Variants in AGAP1 observed in about 807,000 individuals in gnomAD.
AGAP1 encodes the protein arf-GAP with GTPase, ANK repeat and PH domain-containing protein 1.
In AGAP1, 29 loss-of-function variants were observed where a neutral mutation model predicts 105.3. The observed-to-expected ratio is 0.28, with a 90% CI of 0.21 to 0.38. The LOEUF is 0.38. AGAP1 is among the 10% of genes least tolerant of loss of function. AGAP1 has a pLI of 1.00. For missense variants in AGAP1, 998 were observed against 1,165.1 expected, an observed-to-expected ratio of 0.86 and a Z score of 2.09; for synonymous variants, 509 against 485.9, an observed-to-expected ratio of 1.05 and a Z score of -0.63.
rs144638583 is a variant in AGAP1, at chr2:235,763,928, G to A, written c.673+13440G>A. The stretch of plus-strand genomic sequence containing the variant: ...TTGGGGTCATCAGGCGGTTGCAAAG[G>A]TGGGAGCAGCCGTGCTCCCCAGAAT... On this transcript the variant is annotated intron_variant, in intron 6 of 17. Coordinates refer to ENST00000304032, the MANE Select transcript of AGAP1 (RefSeq NM_001037131.3). 1.3e-3 allele frequency among the ~76,000 whole-genome samples: 191 copies of A among 152,294 alleles called. 1 individual carries two copies. The highest frequency in any genetic ancestry group is 6.8e-3 in the Middle Eastern group (2 of 294).
At chr2:236,019,091 C>T (rs149186825) in intron 13 of AGAP1, among the ~76,000 whole-genome samples, 1 of 152,216 alleles carries the variant, frequency 6.6e-6, no homozygotes, top group African/African-American at 2.4e-5. Flanking sequence ...CTCCAACACT[C>T]GTTTTCTTGG....
At chr2:235,935,437 G>T (rs116170788) in intron 12 of AGAP1, among the ~76,000 whole-genome samples, 1 of 152,176 alleles carries the variant, frequency 6.6e-6, no homozygotes, top group Non-Finnish European at 1.5e-5. Flanking sequence ...ACTCTTCTAA[G>T]TGTTTGACAG....
chr2:236,043,678 G>A (rs142182636), intron 15 of AGAP1, among the ~76,000 whole-genome samples: 4 of 150,020 alleles, frequency 2.7e-5, no homozygotes, highest in East Asian at 2.1e-4. Flanking sequence ...CCAAGATCAC[G>A]TCATTGCACT....
At chr2:236,098,489 C>T (rs901804505) in intron 16 of AGAP1, among the ~76,000 whole-genome samples, 2 of 151,518 alleles carry the variant, frequency 1.3e-5, no homozygotes, top group African/African-American at 4.8e-5. Context: ...AGAATCACTT[C>T]AACCCAGGAG....
chr2:235,707,326 G>C (rs1038648753), intron 1 of AGAP1, among the ~76,000 whole-genome samples: 22 of 133,766 alleles, frequency 1.6e-4, no homozygotes, highest in African/African-American at 5.5e-4. Flanking sequence ...AGATCACTCA[G>C]ATCTCCTCCT....
rs373845612 is a variant in AGAP1, at chr2:235,741,096, C to T, written c.396+48C>T. 9 of 1,460,954 alleles carry T rather than the reference C, an allele frequency of 6.2e-6. No homozygotes were observed. The highest frequency in any genetic ancestry group is 1.9e-4 in the Middle Eastern group (1 of 5,156). 90.5% of individuals were successfully genotyped at this position (1,460,954 alleles called of 1,614,324 possible). Reference sequence around the variant, plus strand: ...AGCCTGCTTTTTTTCCCTTTGTTTTCTAAGGTTTGATTCAAGAAGTGCTTC... The same window carrying T: ...AGCCTGCTTTTTTTCCCTTTGTTTTTTAAGGTTTGATTCAAGAAGTGCTTC... On this transcript the variant is annotated intron_variant, in intron 4 of 17. Coordinates refer to ENST00000304032, the MANE Select transcript of AGAP1 (RefSeq NM_001037131.3). This position sits in a 1 kb window ranked among gnomAD's most constrained non-coding sequence, Gnocchi z 4.9.
rs141898525 is a variant in AGAP1 at position 235,571,932 on chromosome 2, T to TTGTGTGTGTGTGTGTGTGTGTG, written c.163+77089_163+77110dup. 2.1e-3 allele frequency among the ~76,000 whole-genome samples: 221 copies of TTGTGTGTGTGTGTGTGTGTGTG among 103,650 alleles called. 9 individuals carry two copies. The highest frequency in any genetic ancestry group is 6.7e-3 in the African/African-American group (163 of 24,478). 68.0% of individuals were successfully genotyped at this position (103,650 alleles called of 152,430 possible). On this transcript the variant is annotated intron_variant, in intron 1 of 17. Coordinates refer to ENST00000304032, the MANE Select transcript of AGAP1 (RefSeq NM_001037131.3). ...TCTTTAAAGTTGTCTTGCCCACACT[T>TTGTGTGTGTGTGTGTGTGTGTG]TGTGTGTGTGTGTGTGTGTGTGTGT...
rs892206120 is a variant in AGAP1 at position 236,092,594 on chromosome 2, G to A, written c.2115-27598G>A. Among the ~76,000 whole-genome samples, 7 of 152,012 alleles carry A rather than the reference G, an allele frequency of 4.6e-5. No homozygotes were observed. Among genetic ancestry groups the A allele is most frequent in the Admixed American group, 1.3e-4 (2 of 15,260 alleles). On this transcript the variant is annotated intron_variant, in intron 16 of 17. Transcript: ENST00000304032. This position sits in a 1 kb window ranked among gnomAD's most constrained non-coding sequence, Gnocchi z 4.7. ...TTTTTATTAGAGACGGGGTTTCACC[G>A]TGTTAGCCAGGATGGTCTCGATCTC... is the stretch of plus-strand genomic sequence containing the variant.
chr2:235,920,153 T>C (rs533574817), intron 11 of AGAP1, among the ~76,000 whole-genome samples: 105 of 152,316 alleles, frequency 6.9e-4, no homozygotes, highest in African/African-American at 2.5e-3. Flanking sequence ...CTGGATTCTG[T>C]ATATTCTTTT....
rs1944833740 is a variant in AGAP1, at chr2:235,579,000, G to A, written c.163+84151G>A. ...TAGTCTAAGTCTTAGAAGAATTAAG[G>A]GTTTTCTTATTACTGGCTAAAGTTA... On this transcript the variant is annotated intron_variant, in intron 1 of 17. Coordinates refer to ENST00000304032, the MANE Select transcript of AGAP1 (RefSeq NM_001037131.3). This position sits in a 1 kb window ranked among gnomAD's most constrained non-coding sequence, Gnocchi z 4.9. Among the ~76,000 whole-genome samples the A allele has an allele frequency of 6.6e-6, 1 of 151,816 alleles. No individual in the cohort carries two copies.
chr2:235,924,552 C>G (rs139863621), intron 11 of AGAP1, among the ~76,000 whole-genome samples: 1 of 152,180 alleles, frequency 6.6e-6, no homozygotes, highest in Non-Finnish European at 1.5e-5. Context: ...CCCCTACTCG[C>G]GAGTTAGCAG....
At chr2:235,749,064 C>G (rs1429135962) in intron 5 of AGAP1, among the ~76,000 whole-genome samples, 1 of 152,128 alleles carries the variant, frequency 6.6e-6, no homozygotes, top group Non-Finnish European at 1.5e-5. Context: ...AAAAAATTAG[C>G]TGGGCATGGT....
intron 16 of AGAP1, among the ~76,000 whole-genome samples, chr2:236,075,627 G>T (rs1018079152): frequency 6.6e-6 from 1 of 152,108 alleles, no homozygotes; most frequent in African/African-American, 2.4e-5. Context: ...GTGGCCTCCA[G>T]GGGAAGCCCC....
chr2:235,741,858 A>G lies in AGAP1; in HGVS notation c.396+810A>G, dbSNP rs892486019. The stretch of plus-strand genomic sequence containing the variant: ...AAGCTCCACCTCCCAGGTTCAGGCC[A>G]TTCTCCTGCCTCAGCCTCCTGAGTA... On this transcript the variant is annotated intron_variant, in intron 4 of 17. Transcript: ENST00000304032. The surrounding 1 kb of genome is among the most constrained non-coding windows in gnomAD (Gnocchi z 4.9). 2.0e-5 allele frequency among the ~76,000 whole-genome samples: 3 copies of G among 151,394 alleles called. No homozygotes were observed. The highest frequency in any genetic ancestry group is 7.3e-5 in the African/African-American group (3 of 41,156).
intron 1 of AGAP1, among the ~76,000 whole-genome samples, chr2:235,563,094 C>T (rs934003669): frequency 6.6e-6 from 1 of 152,090 alleles, no homozygotes; most frequent in South Asian, 2.1e-4. Context: ...TCGCTTTGCC[C>T]TGGGGCTGCT....
rs982740185 is a variant in AGAP1 at position 235,615,113 on chromosome 2, G to T, written c.164-94066G>T. ...GTGCAAGTACGCCTGACTCCTCCGC[G>T]CAGGGAATGAGCAGCCTCTGCTCCT... On this transcript the variant is annotated intron_variant, in intron 1 of 17. Coordinates refer to ENST00000304032, the MANE Select transcript of AGAP1 (RefSeq NM_001037131.3). This position sits in a 1 kb window ranked among gnomAD's most constrained non-coding sequence, Gnocchi z 5.0. Among the ~76,000 whole-genome samples the T allele has an allele frequency of 2.0e-5, 3 of 152,176 alleles. No individual in the cohort carries two copies. Among genetic ancestry groups the T allele is most frequent in the Non-Finnish European group, 4.4e-5 (3 of 68,034 alleles).
At chr2:235,646,203 AG>A (rs1947377638) in intron 1 of AGAP1, among the ~76,000 whole-genome samples, 1 of 142,022 alleles carries the variant, frequency 7.0e-6, no homozygotes, top group Admixed American at 7.7e-5. Context: ...TGAACCTGGG[AG>A]GCGGAGGTTG....
At chr2:235,816,179 G>C (rs929802833) in intron 9 of AGAP1, among the ~76,000 whole-genome samples, 1 of 151,932 alleles carries the variant, frequency 6.6e-6, no homozygotes, top group Non-Finnish European at 1.5e-5. Context: ...GGCTCACGCC[G>C]GTAATCCCAG....
chr2:235,852,426 CCTTTTGACAGGCGCCT>C (rs1029776986), intron 9 of AGAP1, among the ~76,000 whole-genome samples: 2 of 152,206 alleles, frequency 1.3e-5, no homozygotes, highest in Non-Finnish European at 2.9e-5. Context: ...AAACAGGCCG[CCTTTTGACAGGCGCCT>C]GACAGGTATG....
Sources: gnomAD v4.1 joint callset for allele counts (sites outside exome capture counted in the v4.1 genomes callset) on GRCh38, gnomAD v4.1.1 for gene constraint, Gnocchi (gnomAD v3.1) non-coding constraint, MANE v1.5 for transcripts, NCBI Gene and HGNC (gene_info 2026-07-23, HGNC 2026-07-21) for gene names.